The following TRAK2 variants were observed in gnomAD, a reference collection of about 807,000 sequenced individuals.
TRAK2 encodes the protein trafficking kinesin-binding protein 2.
In TRAK2, 81 loss-of-function variants were observed where a neutral mutation model predicts 104.6. That is an observed-to-expected ratio of 0.77 (90% CI 0.65 to 0.93). The LOEUF is 0.93. TRAK2 is among the 40% of genes least tolerant of loss of function. TRAK2 has a pLI of 0.00. For synonymous variants in TRAK2, 406 were observed against 394.4 expected, an observed-to-expected ratio of 1.03 and a Z score of -0.35; for missense variants, 1,002 against 1,089.0, an observed-to-expected ratio of 0.92 and a Z score of 1.12.
intron 1 of TRAK2, among the ~76,000 whole-genome samples, chr2:201,435,820 T>C (rs1359133058): frequency 2.0e-5 from 3 of 152,130 alleles, no homozygotes; most frequent in African/African-American, 7.2e-5. Flanking sequence ...CTGTTTTTTC[T>C]TTCTCCTAAA....
At chr2:201,449,240 C>T (rs958576251) in intron 1 of TRAK2, among the ~76,000 whole-genome samples, 7 of 152,292 alleles carry the variant, frequency 4.6e-5, no homozygotes, top group African/African-American at 1.4e-4. Context: ...GACAATAACA[C>T]TAGACAATCC....
intron 2 of TRAK2, chr2:201,412,379 G>C: frequency 7.5e-7 from 1 of 1,335,526 alleles, no homozygotes; most frequent in Non-Finnish European, 1.1e-6. Flanking sequence ...CTTACAGTTG[G>C]AGTTACATTT....
intron 1 of TRAK2, among the ~76,000 whole-genome samples, chr2:201,442,353 T>G (rs1438520150): frequency 6.7e-6 from 1 of 148,834 alleles, no homozygotes; most frequent in African/African-American, 2.5e-5. Context: ...TTCGCACCAC[T>G]GCACTCCAGC....
At chr2:201,445,314 C>T (rs1052118895) in intron 1 of TRAK2, among the ~76,000 whole-genome samples, 11 of 152,104 alleles carry the variant, frequency 7.2e-5, no homozygotes, top group African/African-American at 2.2e-4. Flanking sequence ...AACAGCTGTT[C>T]ATTGAACAGC....
intron 14 of TRAK2, among the ~76,000 whole-genome samples, chr2:201,384,715 C>A (rs1394787811): frequency 6.6e-6 from 1 of 152,190 alleles, no homozygotes; most frequent in Non-Finnish European, 1.5e-5. Context: ...CCAAGTTGTA[C>A]TAGTCTTCTT....
At chr2:201,417,241 C>CAAAAAAAAAAAAAAAAAAAG (rs61702415) in intron 2 of TRAK2, among the ~76,000 whole-genome samples, 1 of 88,432 alleles carries the variant, frequency 1.1e-5, no homozygotes, top group Non-Finnish European at 2.2e-5. Flanking sequence ...GAAGACATTG[C>CAAAAAAAAAAAAAAAAAAAG]AAAAAAAAAA....
chr2:201,394,354 T>TC (rs1951478619), intron 9 of TRAK2, among the ~76,000 whole-genome samples: 1 of 150,600 alleles, frequency 6.6e-6, no homozygotes, highest in South Asian at 2.1e-4. Flanking sequence ...TTTCTTTTTT[T>TC]TTTTTTGAGA....
intron 1 of TRAK2, among the ~76,000 whole-genome samples, chr2:201,428,057 T>G (rs1241851847): frequency 6.6e-6 from 1 of 152,122 alleles, no homozygotes; most frequent in Admixed American, 6.5e-5. Flanking sequence ...CTTTGTAGAT[T>G]CTGGATATTA....
intron 2 of TRAK2, among the ~76,000 whole-genome samples, chr2:201,420,007 T>G (rs1258374763): frequency 6.6e-6 from 1 of 152,232 alleles, no homozygotes; most frequent in Non-Finnish European, 1.5e-5. Flanking sequence ...GTTTTTTGAT[T>G]TAGTCTTACA....
chr2:201,428,226 G>C (rs537988574), intron 1 of TRAK2, among the ~76,000 whole-genome samples: 2 of 152,276 alleles, frequency 1.3e-5, no homozygotes, highest in South Asian at 4.1e-4. Flanking sequence ...TGGTGTTTTA[G>C]ACATGAAGTC....
chr2:201,420,840 GGAAGA>G, intron 1 of TRAK2, 134 bp from the exon 2 acceptor site: 1 of 188,734 alleles, frequency 5.3e-6, no homozygotes, highest in Non-Finnish European at 1.1e-5. Context: ...TAATTATGCT[GGAAGA>G]AAGAAGTCAG....
intron 1 of TRAK2, among the ~76,000 whole-genome samples, chr2:201,428,380 T>C (rs1236523063): frequency 6.6e-6 from 1 of 152,256 alleles, no homozygotes; most frequent in Non-Finnish European, 1.5e-5. Context: ...TTCAGCTTTC[T>C]ACATATGGCT....
At chr2:201,395,538 GC>G in intron 7 of TRAK2, 94 bp from the exon 8 acceptor site, 1 of 1,267,850 alleles carries the variant, frequency 7.9e-7, no homozygotes, top group Non-Finnish European at 1.1e-6. Flanking sequence ...TTTATAACAA[GC>G]ACTGGACTGT....
At chr2:201,430,205 G>T (rs182462774) in intron 1 of TRAK2, among the ~76,000 whole-genome samples, 59 of 152,312 alleles carry the variant, frequency 3.9e-4, no homozygotes, top group Non-Finnish European at 7.4e-4. Context: ...GTCTCAGAGG[G>T]GTACCCGGCT....
intron 11 of TRAK2, 34 bp from the exon 12 acceptor site, chr2:201,389,537 G>A (rs757637738): frequency 6.3e-7 from 1 of 1,585,698 alleles, no homozygotes; most frequent in South Asian, 1.1e-5. Context: ...TATTATCACT[G>A]CTAGCCACTA....
Position 201,387,964 on chromosome 2 carries a change from C to G in TRAK2, c.1435G>C (p.Asp479His), listed in dbSNP as rs745932834. The G allele has an allele frequency of 6.2e-7, 1 of 1,614,116 alleles. No individual in the cohort carries two copies. ...QKMGQPGPSG[D>H]SDLATALHRL... Reference sequence around the variant, plus strand: ...TGCAGTGCTGTAGCCAAATCACTATCTCCTGAGGGTCCTGGTTGGCCCATC... The same window carrying G: ...TGCAGTGCTGTAGCCAAATCACTATGTCCTGAGGGTCCTGGTTGGCCCATC... The change falls in exon 13 of 16, where the codon GAT becomes CAT. Residue 479 changes from aspartate to histidine, a missense_variant. Asp to His is a moderately conservative substitution (Grantham distance 81). Transcript: ENST00000332624.
intron 1 of TRAK2, among the ~76,000 whole-genome samples, chr2:201,428,367 A>C (rs1275373574): frequency 6.6e-6 from 1 of 152,224 alleles, no homozygotes; most frequent in Admixed American, 6.5e-5. Context: ...GAAGGGATCC[A>C]ACTTCAGCTT....
At chr2:201,422,695 T>G (rs1951752875) in intron 1 of TRAK2, among the ~76,000 whole-genome samples, 1 of 151,910 alleles carries the variant, frequency 6.6e-6, no homozygotes, top group African/African-American at 2.4e-5. Flanking sequence ...TAAAAAGGGG[T>G]AAGGGACCAT....
chr2:201,451,157 T>G (rs1952031108), intron 1 of TRAK2, among the ~76,000 whole-genome samples, 193 bp downstream of exon 1: 1 of 152,136 alleles, frequency 6.6e-6, no homozygotes, highest in African/African-American at 2.4e-5. Context: ...CGCCCATTAC[T>G]TTGCACCCAC....
Sources: allele counts gnomAD v4.1 joint callset (sites outside exome capture counted in the v4.1 genomes callset), GRCh38; gene constraint gnomAD v4.1.1; transcripts MANE v1.5; gene names NCBI Gene and HGNC (gene_info 2026-07-23, HGNC 2026-07-21).